DOCK9: variants seen among roughly 807,000 people sequenced by gnomAD.
The protein encoded by DOCK9 is dedicator of cytokinesis 9.
DOCK9 carries 89 observed loss-of-function variants against 263.3 expected under a neutral mutation model. The ratio of observed to expected loss-of-function variants is 0.34; its 90% CI spans 0.28 to 0.40. The LOEUF (loss-of-function observed/expected upper bound fraction) is 0.40, where lower values mean the gene tolerates loss of function less well. Among genes scored for constraint, DOCK9 ranks in the 10% least tolerant of loss-of-function variants. The pLI is 1.00. For missense variants in DOCK9, 2,140 were observed against 2,603.4 expected (o/e 0.82, Z 3.87); for synonymous variants, 976 against 973.1 (o/e 1.00, Z -0.06).
At chr13:99,028,260 G>T (rs1348769327) in intron 1 of DOCK9, among the ~76,000 whole-genome samples, 5 of 152,218 alleles carry the variant, frequency 3.3e-5, no homozygotes, top group Admixed American at 6.5e-5. Context: ...TACACTGCCA[G>T]TGGGGGTGAG....
At position 98,884,731 on chromosome 13, in the gene DOCK9, T is replaced by C. The variant is rs200381783; in HGVS notation, c.2382+240A>G. Reference sequence around the variant, plus strand: ...ATCCCAGATTTCCAAGTCTCTATTTTTCCGCTGAGACACCACTAGTTCAGG... The same window carrying C: ...ATCCCAGATTTCCAAGTCTCTATTTCTCCGCTGAGACACCACTAGTTCAGG... On this transcript the variant is annotated intron_variant, in intron 21 of 52. Transcript: ENST00000682017. 2.0e-5 allele frequency among the ~76,000 whole-genome samples: 3 copies of C among 148,748 alleles called. No individual in the cohort carries two copies. The East Asian group carries it at 6.0e-4, about 30-fold the overall frequency.
intron 1 of DOCK9, among the ~76,000 whole-genome samples, chr13:99,041,629 T>A (rs953462388): frequency 6.6e-6 from 1 of 152,188 alleles, no homozygotes; most frequent in African/African-American, 2.4e-5. Context: ...CTGTGGTAGG[T>A]TAGATGGTGT....
chr13:98,960,823 G>A (rs2058550453), intron 1 of DOCK9, among the ~76,000 whole-genome samples: 1 of 152,170 alleles, frequency 6.6e-6, no homozygotes, highest in African/African-American at 2.4e-5. Flanking sequence ...GATCAATCAT[G>A]ATGCCCCAGG....
At chr13:98,981,892 C>A (rs1877302774), upstream of DOCK9, among the ~76,000 whole-genome samples, 1 of 152,158 alleles carries the variant, frequency 6.6e-6, no homozygotes, top group South Asian at 2.1e-4. Flanking sequence ...AAGTAGGTGG[C>A]CACATTTTCC....
chr13:98,800,529 G>T (rs1463222206), intron 49 of DOCK9, 51 bp from the exon 50 acceptor site: 1 of 1,573,250 alleles, frequency 6.4e-7, no homozygotes, highest in Non-Finnish European at 8.7e-7. Context: ...GAGCTTTAGT[G>T]TTATTGAGCT....
At chr13:98,839,374 G>C (rs975487971) in intron 38 of DOCK9, among the ~76,000 whole-genome samples, 14 of 152,310 alleles carry the variant, frequency 9.2e-5, no homozygotes, top group South Asian at 2.1e-4. Context: ...GAGGTTGTTT[G>C]GTAAGATACA....
chr13:98,996,056 G>C (rs779692788), intron 1 of DOCK9, among the ~76,000 whole-genome samples: 1 of 152,134 alleles, frequency 6.6e-6, no homozygotes, highest in Non-Finnish European at 1.5e-5. Flanking sequence ...ATTTCAACCT[G>C]AGCTAAATGG....
chr13:99,003,479 T>C (rs1166786901), intron 1 of DOCK9, among the ~76,000 whole-genome samples: 1 of 152,216 alleles, frequency 6.6e-6, no homozygotes, highest in Admixed American at 6.5e-5. Context: ...ACTCTAGCTA[T>C]GGTCCTACTA....
intron 27 of DOCK9, among the ~76,000 whole-genome samples, chr13:98,874,042 T>A (rs1438353097): frequency 6.6e-6 from 1 of 152,212 alleles, no homozygotes; most frequent in Admixed American, 6.5e-5. Flanking sequence ...TTACATACCA[T>A]AAAATTCAGA....
intron 2 of DOCK9, among the ~76,000 whole-genome samples, chr13:98,948,605 A>G (rs2057013643): frequency 6.6e-6 from 1 of 152,214 alleles, no homozygotes. Flanking sequence ...GTTCAATGGC[A>G]TTAAGTACAT....
intron 1 of DOCK9, among the ~76,000 whole-genome samples, chr13:99,076,607 G>C (rs765253676): frequency 6.6e-6 from 1 of 152,116 alleles, no homozygotes; most frequent in African/African-American, 2.4e-5. Context: ...CTGTGCATTA[G>C]GAAAATTAAT....
intron 1 of DOCK9, among the ~76,000 whole-genome samples, chr13:99,079,669 C>G (rs1362421405): frequency 6.6e-6 from 1 of 152,230 alleles, no homozygotes; most frequent in Non-Finnish European, 1.5e-5. Context: ...AAGTCCTCAG[C>G]CAATCAGTGG....
At chr13:98,934,832 C>T (rs1341490149) in intron 2 of DOCK9, among the ~76,000 whole-genome samples, 1 of 152,216 alleles carries the variant, frequency 6.6e-6, no homozygotes, top group Non-Finnish European at 1.5e-5. Flanking sequence ...AAGGACTCAG[C>T]ATAAATGTTA....
chr13:98,950,793 A>G (rs1203844212), intron 2 of DOCK9, among the ~76,000 whole-genome samples: 1 of 152,224 alleles, frequency 6.6e-6, no homozygotes, highest in East Asian at 1.9e-4. Context: ...GTAACAAGTC[A>G]GGATACAAGG....
chr13:98,864,949 C>G (rs1447538034), intron 30 of DOCK9, among the ~76,000 whole-genome samples: 5 of 152,170 alleles, frequency 3.3e-5, no homozygotes, highest in Admixed American at 6.5e-5. Flanking sequence ...TGCTGGCTCC[C>G]CCCTTGCCCT....
rs1437458794 is a variant in DOCK9 at position 98,801,633 on chromosome 13, A to G, written c.5726-1155T>C. ...TGCTCTATATAATATAGAAATATCT[A>G]TAATATTCTCACTTGACATATATTT... On this transcript the variant is annotated intron_variant, in intron 49 of 52. Transcript: ENST00000682017. Among the ~76,000 whole-genome samples, 5 of 152,216 alleles carry G rather than the reference A, an allele frequency of 3.3e-5. No individual in the cohort carries two copies. In the East Asian group the frequency reaches 9.6e-4, roughly 29 times the overall value.
At chr13:98,824,111 A>G (rs901532956) in intron 45 of DOCK9, among the ~76,000 whole-genome samples, 1 of 152,248 alleles carries the variant, frequency 6.6e-6, no homozygotes, top group African/African-American at 2.4e-5. Flanking sequence ...CTTTATGACC[A>G]ATATATTGGA....
At chr13:98,906,086 A>AT (rs1047777437) in intron 9 of DOCK9, among the ~76,000 whole-genome samples, 1 of 152,162 alleles carries the variant, frequency 6.6e-6, no homozygotes, top group African/African-American at 2.4e-5. Context: ...AGATGATAAT[A>AT]TTTTTATCAT....
intron 47 of DOCK9, among the ~76,000 whole-genome samples, chr13:98,808,137 AATG>A (rs1022913174): frequency 1.3e-5 from 2 of 152,208 alleles, no homozygotes; most frequent in Non-Finnish European, 2.9e-5. Context: ...CTCACTAGAA[AATG>A]ATGAGCAGCC....
Sources: gnomAD v4.1 joint callset for allele counts (sites outside exome capture counted in the v4.1 genomes callset) on GRCh38, gnomAD v4.1.1 for gene constraint, MANE v1.5 for transcripts, NCBI Gene and HGNC (gene_info 2026-07-23, HGNC 2026-07-21) for gene names.